RAB10: variants seen among roughly 807,000 people sequenced by gnomAD.
RAB10 encodes the protein ras-related protein Rab-10.
Under a neutral mutation model 25.7 loss-of-function variants are expected in RAB10, and 5 were observed. The observed-to-expected ratio is 0.19, with a 90% CI of 0.10 to 0.41. The LOEUF (loss-of-function observed/expected upper bound fraction) is 0.41, where lower values mean the gene tolerates loss of function less well. RAB10 is among the 10% of genes least tolerant of loss of function. RAB10 has a pLI of 1.00. For missense variants in RAB10, 103 were observed against 245.8 expected (o/e 0.42, Z 3.89); for synonymous variants, 89 against 86.4 (o/e 1.03, Z -0.16).
At chr2:26,049,841 G>T (rs1226567167) in intron 1 of RAB10, among the ~76,000 whole-genome samples, 1 of 152,122 alleles carries the variant, frequency 6.6e-6, no homozygotes, top group Non-Finnish European at 1.5e-5. Context: ...TTGTTCTGAA[G>T]TTAAAAATTC....
At chr2:26,061,561 T>A (rs575527446) in intron 1 of RAB10, among the ~76,000 whole-genome samples, 155 of 150,262 alleles carry the variant, frequency 1.0e-3, no homozygotes, top group East Asian at 1.4e-3. Flanking sequence ...TTAAAAAAAA[T>A]TTTTTTTTTG....
chr2:26,090,481 C>A (rs1667077441), intron 1 of RAB10, among the ~76,000 whole-genome samples: 1 of 124,560 alleles, frequency 8.0e-6, no homozygotes, highest in Admixed American at 8.1e-5. Flanking sequence ...GAAGTAGATT[C>A]TTTTAGTTCT....
At chr2:26,110,626 GA>G (rs1188659255) in intron 3 of RAB10, among the ~76,000 whole-genome samples, 2 of 152,050 alleles carry the variant, frequency 1.3e-5, no homozygotes, top group Non-Finnish European at 1.5e-5. Flanking sequence ...TAGGCATTTT[GA>G]AATATATGGA....
At chr2:26,066,772 C>T (rs1666520525) in intron 1 of RAB10, among the ~76,000 whole-genome samples, 1 of 125,572 alleles carries the variant, frequency 8.0e-6, no homozygotes, top group African/African-American at 3.2e-5. Flanking sequence ...AAAACCATGC[C>T]ATCAATTTTT....
At chr2:26,057,814 G>C (rs1422493125) in intron 1 of RAB10, among the ~76,000 whole-genome samples, 1 of 152,112 alleles carries the variant, frequency 6.6e-6, no homozygotes, top group African/African-American at 2.4e-5. Context: ...AGTAGAGACG[G>C]GGTTTCACCA....
Position 26,034,182 on chromosome 2 carries a change from G to T in RAB10, c.-427G>T. 1 of 416,642 alleles carries T rather than the reference G, an allele frequency of 2.4e-6. No homozygotes were observed. The highest frequency in any genetic ancestry group is 4.2e-6 in the Non-Finnish European group (1 of 235,486). The allele number at this position is 416,642 out of a possible 1,614,324, so 25.8% of individuals were successfully genotyped here. On this transcript the variant is annotated 5_prime_UTR_variant, in exon 1 of 6. Coordinates refer to ENST00000264710, the MANE Select transcript of RAB10 (RefSeq NM_016131.5). Reference sequence around the variant, plus strand: ...CTGGGGCTATGTAACTGAGCTCGTCGACTTAGGGGTCCTTCTTCGCTGCCC... The same window carrying T: ...CTGGGGCTATGTAACTGAGCTCGTCTACTTAGGGGTCCTTCTTCGCTGCCC...
At chr2:26,117,068 C>T (rs1362317273) in intron 3 of RAB10, among the ~76,000 whole-genome samples, 24 of 152,062 alleles carry the variant, frequency 1.6e-4, no homozygotes, top group Non-Finnish European at 3.4e-4. Flanking sequence ...TTTTCTGAAG[C>T]GTGTTCTACT....
intron 1 of RAB10, among the ~76,000 whole-genome samples, chr2:26,071,475 G>T (rs1359210337): frequency 6.6e-6 from 1 of 152,076 alleles, no homozygotes; most frequent in East Asian, 1.9e-4. Flanking sequence ...ATCGCCTGAG[G>T]TCAGGAGTTC....
chr2:26,051,828 C>CA (rs1199617759), intron 1 of RAB10, among the ~76,000 whole-genome samples: 1 of 151,102 alleles, frequency 6.6e-6, no homozygotes, highest in Non-Finnish European at 1.5e-5. Context: ...GAGGCTGAGG[C>CA]AGGCGGATCA....
intron 1 of RAB10, among the ~76,000 whole-genome samples, chr2:26,087,330 A>G (rs1667008872): frequency 6.6e-6 from 1 of 152,216 alleles, no homozygotes; most frequent in Non-Finnish European, 1.5e-5. Flanking sequence ...TATATGTGAA[A>G]TGCTTAGCAC....
At chr2:26,098,604 T>C in intron 1 of RAB10, 58 bp from the exon 2 acceptor site, 1 of 1,308,604 alleles carries the variant, frequency 7.6e-7, no homozygotes, top group Non-Finnish European at 1.1e-6. Flanking sequence ...TGTGATTAAT[T>C]TTAGTATAGC....
At chr2:26,096,688 T>C (rs149573855) in intron 1 of RAB10, among the ~76,000 whole-genome samples, 40 of 152,290 alleles carry the variant, frequency 2.6e-4, no homozygotes, top group Admixed American at 1.2e-3. Flanking sequence ...AATGCTTGAA[T>C]TTTGTTACAG....
chr2:26,108,803 T>C (rs1667514774), intron 2 of RAB10, among the ~76,000 whole-genome samples: 1 of 152,112 alleles, frequency 6.6e-6, no homozygotes, highest in South Asian at 2.1e-4. Flanking sequence ...AAAATAAAAG[T>C]TTTAAAAATA....
intron 3 of RAB10, among the ~76,000 whole-genome samples, chr2:26,114,292 G>GAAAA (rs144200499): frequency 0.07 from 10,584 of 152,074 alleles, 425 homozygotes; most frequent in Non-Finnish European, 0.099. Context: ...AAATAATCTT[G>GAAAA]AAAAGGAAGT....
At chr2:26,033,724 C>A (rs2149258457), upstream of RAB10, among the ~76,000 whole-genome samples, 1 of 152,362 alleles carries the variant, frequency 6.6e-6, no homozygotes, top group East Asian at 1.9e-4. Context: ...CAGCGGGAGA[C>A]CCCGGGAGGG....
intron 2 of RAB10, among the ~76,000 whole-genome samples, chr2:26,108,112 G>A (rs544593477): frequency 3.2e-4 from 49 of 152,234 alleles, no homozygotes; most frequent in African/African-American, 9.4e-4. Context: ...GTTTCTTACC[G>A]TTATACACTT....
intron 1 of RAB10, among the ~76,000 whole-genome samples, chr2:26,056,308 C>T (rs1260818393): frequency 1.3e-5 from 2 of 152,138 alleles, no homozygotes; most frequent in African/African-American, 4.8e-5. Flanking sequence ...AGGCAATTCT[C>T]CTGCCTCAGC....
At chr2:26,061,592 G>C (rs1272109612) in intron 1 of RAB10, among the ~76,000 whole-genome samples, 1 of 151,674 alleles carries the variant, frequency 6.6e-6, no homozygotes. Context: ...GGTCTTGTTA[G>C]GTTTCCCAGG....
In RAB10 at chr2:26,066,440, T is replaced by C. The variant is rs1468993260; in HGVS notation, c.127+31705T>C. ...CCTTTGAATTAAATGTTGATTGTATTAGTCTGTTCTCATGCTGCTATGAAG... is the reference window on the plus strand; with the variant it reads ...CCTTTGAATTAAATGTTGATTGTATCAGTCTGTTCTCATGCTGCTATGAAG... On this transcript the variant is annotated intron_variant, in intron 1 of 5. Transcript: ENST00000264710. Among the ~76,000 whole-genome samples the C allele has an allele frequency of 2.0e-5, 3 of 152,244 alleles. No homozygotes were observed. The East Asian group carries it at 5.8e-4, about 29-fold the overall frequency.
Sources: gnomAD v4.1 joint callset for allele counts (sites outside exome capture counted in the v4.1 genomes callset) on GRCh38, gnomAD v4.1.1 for gene constraint, MANE v1.5 for transcripts, NCBI Gene and HGNC (gene_info 2026-07-23, HGNC 2026-07-21) for gene names.